ZNF680: variants seen among roughly 807,000 people sequenced by gnomAD.
ZNF680 encodes the protein zinc finger protein 680, also known as hypothetical protein FLJ90430.
Under a neutral mutation model 12.1 loss-of-function variants are expected in ZNF680, and 6 were observed. The ratio of observed to expected loss-of-function variants is 0.49; its 90% CI spans 0.27 to 0.98. ZNF680 has a LOEUF of 0.98. ZNF680 is among the 50% of genes least tolerant of loss of function. The pLI is 0.12. For synonymous variants in ZNF680, 170 were observed against 199.3 expected (o/e 0.85, Z 1.24); for missense variants, 561 against 616.3 (o/e 0.91, Z 0.95).
intron 3 of ZNF680, among the ~76,000 whole-genome samples, chr7:64,532,645 T>G (rs1785949953): frequency 6.6e-6 from 1 of 151,806 alleles, no homozygotes; most frequent in South Asian, 2.1e-4. Flanking sequence ...GAAGACAGAG[T>G]AAGAGGGAAC....
the ZNF680 span, among the ~76,000 whole-genome samples, chr7:64,511,238 C>G: frequency 1.3e-5 from 2 of 151,966 alleles, no homozygotes; most frequent in African/African-American, 2.4e-5. Context: ...CCACTGCACT[C>G]TAGCCTGGGT....
downstream of ZNF680, among the ~76,000 whole-genome samples, chr7:64,516,900 T>C (rs1369816743): frequency 2.0e-5 from 3 of 152,052 alleles, no homozygotes; most frequent in Non-Finnish European, 2.9e-5. Flanking sequence ...ACAAAAAATA[T>C]TTAAAAATTT....
the ZNF680 span, chr7:64,501,821 T>A: frequency 1.6e-6 from 1 of 614,272 alleles, no homozygotes; most frequent in Non-Finnish European, 3.1e-6. Flanking sequence ...TCTTCTCTAG[T>A]ATCTTCAGCA....
At chr7:64,556,078 C>G (rs1760576529) in intron 1 of ZNF680, among the ~76,000 whole-genome samples, 1 of 151,340 alleles carries the variant, frequency 6.6e-6, no homozygotes, top group Non-Finnish European at 1.5e-5. Flanking sequence ...GGTGAAAAAT[C>G]TCTAAAACAA....
chr7:64,526,070 C>T, intron 3 of ZNF680: 1 of 958,688 alleles, frequency 1.0e-6, no homozygotes, highest in Non-Finnish European at 1.2e-6. Flanking sequence ...TGTGAGGTGG[C>T]ATATCCTAAA....
chr7:64,543,031 A>G (rs1190349922), intron 3 of ZNF680, among the ~76,000 whole-genome samples: 1 of 152,198 alleles, frequency 6.6e-6, no homozygotes, highest in African/African-American at 2.4e-5. Flanking sequence ...TTTTATGTCT[A>G]TGGATTGAAA....
chr7:64,541,387 A>G (rs1488374530), intron 3 of ZNF680, among the ~76,000 whole-genome samples: 1 of 152,166 alleles, frequency 6.6e-6, no homozygotes, highest in African/African-American at 2.4e-5. Flanking sequence ...TCCCACAGCA[A>G]GAAAATTTAT....
chr7:64,510,924 A>AT, the ZNF680 span, among the ~76,000 whole-genome samples: 5 of 44,890 alleles, frequency 1.1e-4, 1 homozygote, highest in African/African-American at 7.3e-4. Context: ...AAAAAAAATA[A>AT]AAAATAAAAA....
At chr7:64,510,778 C>T in the ZNF680 span, among the ~76,000 whole-genome samples, 4 of 130,710 alleles carry the variant, frequency 3.1e-5, no homozygotes, top group Non-Finnish European at 6.5e-5. Flanking sequence ...GGCGTAGTGG[C>T]GGGCGCCTGT....
At chr7:64,516,756 T>A (rs544789618), downstream of ZNF680, among the ~76,000 whole-genome samples, 1 of 152,212 alleles carries the variant, frequency 6.6e-6, no homozygotes, top group East Asian at 1.9e-4. Flanking sequence ...AAAATTGAAA[T>A]GATATCAAGT....
At chr7:64,525,383 G>C (rs969244202) in intron 3 of ZNF680, 2 of 151,972 alleles carry the variant, frequency 1.3e-5, no homozygotes, top group Admixed American at 6.5e-5. Context: ...ATATCACCCA[G>C]TATTTAAAAA....
chr7:64,555,575 C>T (rs921199384), intron 1 of ZNF680, among the ~76,000 whole-genome samples: 3 of 151,742 alleles, frequency 2.0e-5, no homozygotes, highest in Admixed American at 6.6e-5. Flanking sequence ...AATTTAACAA[C>T]CTAACATCAT....
intron 3 of ZNF680, among the ~76,000 whole-genome samples, chr7:64,534,826 A>G (rs1483743524): frequency 1.3e-5 from 2 of 152,236 alleles, no homozygotes; most frequent in African/African-American, 4.8e-5. Context: ...CTACTCAGCC[A>G]TAAGAAGGAA....
At chr7:64,517,948 C>A (rs1045770813), downstream of ZNF680, among the ~76,000 whole-genome samples, 1 of 152,012 alleles carries the variant, frequency 6.6e-6, no homozygotes, top group African/African-American at 2.4e-5. Context: ...GTAATAAAAG[C>A]CATCTATGTC....
rs770928053 is a variant in ZNF680 at position 64,521,909 on chromosome 7, C to T, written c.845G>A (p.Ser282Asn). 17 of 1,611,696 alleles carry T rather than the reference C, an allele frequency of 1.1e-5. No individual in the cohort carries two copies. The highest frequency in any genetic ancestry group is 1.4e-5 in the Non-Finnish European group (17 of 1,179,292). The change falls in exon 4 of 4, where the codon AGT becomes AAT. Residue 282 changes from serine to asparagine, a missense_variant. By Grantham distance (46) the Ser-to-Asn change is conservative. Coordinates refer to ENST00000309683, the MANE Select transcript of ZNF680 (RefSeq NM_178558.5). ...TCCAGTATGAATTATCTTATGTTTACTAAGGATTGAGAATAAACTAAAGGC... is the reference window on the plus strand; with the variant it reads ...TCCAGTATGAATTATCTTATGTTTATTAAGGATTGAGAATAAACTAAAGGC... ...GKAFSLFSILSKHKIIHTGDK... is the reference protein window; with the variant it reads ...GKAFSLFSILNKHKIIHTGDK...
chr7:64,531,133 A>G (rs1460132737), intron 3 of ZNF680, among the ~76,000 whole-genome samples: 2 of 152,130 alleles, frequency 1.3e-5, no homozygotes, highest in Non-Finnish European at 2.9e-5. Flanking sequence ...AAATGGACTT[A>G]ACAGATATAT....
chr7:64,562,112 A>G (rs1406295131), intron 1 of ZNF680, among the ~76,000 whole-genome samples: 2 of 143,942 alleles, frequency 1.4e-5, no homozygotes, highest in African/African-American at 2.6e-5. Flanking sequence ...GGCGCCTGTA[A>G]TCCCAGCTAC....
chr7:64,509,262 C>T, the ZNF680 span, among the ~76,000 whole-genome samples: 1 of 152,158 alleles, frequency 6.6e-6, no homozygotes, highest in Non-Finnish European at 1.5e-5. Context: ...GCCTTGTCAG[C>T]CCTTTGCCCA....
downstream of ZNF680, among the ~76,000 whole-genome samples, chr7:64,515,048 A>T (rs942753101): frequency 6.5e-4 from 36 of 55,572 alleles, no homozygotes; most frequent in African/African-American, 3.7e-3. Context: ...TGTCACACAC[A>T]CACACACACA....
Sources: gnomAD v4.1 joint callset for allele counts (sites outside exome capture counted in the v4.1 genomes callset) on GRCh38, gnomAD v4.1.1 for gene constraint, MANE v1.5 for transcripts, NCBI Gene and HGNC (gene_info 2026-07-23, HGNC 2026-07-21) for gene names.